MARCHF6: variants seen among roughly 807,000 people sequenced by gnomAD.
MARCHF6 encodes the protein E3 ubiquitin-protein ligase MARCHF6.
In MARCHF6, 31 loss-of-function variants were observed where a neutral mutation model predicts 133.7. The observed-to-expected ratio is 0.23, with a 90% CI of 0.17 to 0.31. The LOEUF (loss-of-function observed/expected upper bound fraction) is 0.31. MARCHF6 is among the 10% of genes least tolerant of loss of function. The probability of loss-of-function intolerance (pLI) is 1.00; values close to 1 mark genes in which losing one functional copy is unlikely to be tolerated. For synonymous variants in MARCHF6, 395 were observed against 402.5 expected, an observed-to-expected ratio of 0.98 and a Z score of 0.22; for missense variants, 723 against 1,121.6, an observed-to-expected ratio of 0.64 and a Z score of 5.08.
chr5:10,368,436 C>G (rs899665735), intron 1 of MARCHF6, among the ~76,000 whole-genome samples: 3 of 152,058 alleles, frequency 2.0e-5, no homozygotes, highest in African/African-American at 7.2e-5. Context: ...AGTTTGAGAC[C>G]AGACTGGGCA....
chr5:10,397,204 T>G, intron 9 of MARCHF6, 89 bp from the exon 10 acceptor site: 1 of 888,224 alleles, frequency 1.1e-6, no homozygotes, highest in Non-Finnish European at 1.7e-6. Context: ...GTTTTTACTA[T>G]TTGGCTCTAG....
intron 3 of MARCHF6, among the ~76,000 whole-genome samples, chr5:10,380,211 T>G (rs1214345068): frequency 6.6e-6 from 1 of 151,896 alleles, no homozygotes; most frequent in Admixed American, 6.6e-5. Flanking sequence ...CTTGAGCTTC[T>G]CGATATAAAT....
chr5:10,425,650 G>A (rs764465226), intron 23 of MARCHF6, among the ~76,000 whole-genome samples: 5 of 152,204 alleles, frequency 3.3e-5, no homozygotes, highest in Non-Finnish European at 7.3e-5. Context: ...GTTGAGTTAT[G>A]CTACATTCAG....
intron 19 of MARCHF6, 140 bp downstream of exon 19, chr5:10,411,677 C>A: frequency 1.7e-6 from 1 of 573,850 alleles, no homozygotes; most frequent in South Asian, 3.9e-5. Context: ...CATTATGTAA[C>A]GTAAATGATT....
At position 10,415,334 on chromosome 5, in the gene MARCHF6, AT is replaced by A. The variant is rs1739447013; in HGVS notation, c.1967-152del. ...TCATCAAATTGTGTACTCTTTAGAC[AT>A]TGTGATTTTTGTCTTTTGTTTTTTT... On this transcript the variant is annotated intron_variant, in intron 20 of 25. Transcript: ENST00000274140. The A allele has an allele frequency of 1.0e-4, 72 of 693,766 alleles. No individual in the cohort carries two copies. In the South Asian group the frequency reaches 1.3e-3, roughly 13 times the overall value. The allele number at this position is 693,766 out of a possible 1,614,324, so 43.0% of individuals were successfully genotyped here.
chr5:10,415,372 T>G, intron 20 of MARCHF6, 116 bp from the exon 21 acceptor site: 1 of 911,210 alleles, frequency 1.1e-6, no homozygotes, highest in South Asian at 1.7e-5. Context: ...ATGAAGACAT[T>G]GATATATCGA....
chr5:10,379,881 C>T (rs922384599), intron 3 of MARCHF6, among the ~76,000 whole-genome samples: 30 of 152,184 alleles, frequency 2.0e-4, no homozygotes, highest in Admixed American at 6.5e-5. Flanking sequence ...GTTGGGATTA[C>T]AGGCTTGAGC....
intron 1 of MARCHF6, among the ~76,000 whole-genome samples, chr5:10,355,560 G>A (rs989061979): frequency 2.0e-5 from 3 of 152,140 alleles, no homozygotes; most frequent in Non-Finnish European, 2.9e-5. Flanking sequence ...TTTTTCTCTT[G>A]TAAAATTATA....
chr5:10,377,451 CTG>C lies in MARCHF6; in HGVS notation c.20-345_20-344del, dbSNP rs1290798671. Among the ~76,000 whole-genome samples the C allele has an allele frequency of 2.0e-5, 3 of 152,306 alleles. No homozygotes were observed. In the East Asian group the frequency reaches 5.8e-4, roughly 29 times the overall value. On this transcript the variant is annotated intron_variant, in intron 1 of 25. Coordinates refer to ENST00000274140, the MANE Select transcript of MARCHF6 (RefSeq NM_005885.4). ...AAATTGTTAAGACTGGAGTTTAAAACTGTTAGGACGCTAATGGTGACCTGATT... is the reference window on the plus strand; with the variant it reads ...AAATTGTTAAGACTGGAGTTTAAAACTTAGGACGCTAATGGTGACCTGATT...
chr5:10,438,073 C>A lies in MARCHF6; in HGVS notation c.*4389C>A, dbSNP rs1706235287. ...CTCCCTAACTTGAACTGTAGACCGT[C>A]CTCACTGGGAAGAGTAAGGCCCCAC... is the stretch of plus-strand genomic sequence containing the variant. On this transcript the variant is annotated 3_prime_UTR_variant, in exon 26 of 26. Coordinates refer to ENST00000274140, the MANE Select transcript of MARCHF6 (RefSeq NM_005885.4). The A allele has an allele frequency of 6.6e-6, 1 of 152,392 alleles. No individual in the cohort carries two copies. Among genetic ancestry groups the A allele is most frequent in the South Asian group, 2.1e-4 (1 of 4,830 alleles). 9.4% of individuals were successfully genotyped at this position (152,392 alleles called of 1,614,324 possible).
intron 15 of MARCHF6, among the ~76,000 whole-genome samples, chr5:10,405,055 T>C (rs1053087239): frequency 2.6e-5 from 4 of 152,272 alleles, no homozygotes; most frequent in African/African-American, 7.2e-5. Flanking sequence ...AGATGGAGAA[T>C]AGAAGTTTGG....
At chr5:10,359,664 G>A (rs1008290624) in intron 1 of MARCHF6, among the ~76,000 whole-genome samples, 1 of 152,136 alleles carries the variant, frequency 6.6e-6, no homozygotes, top group Non-Finnish European at 1.5e-5. Context: ...GATGTTCACA[G>A]ATCTGTACTT....
chr5:10,436,585 T>G lies in MARCHF6; in HGVS notation c.*2901T>G, dbSNP rs1034120197. On this transcript the variant is annotated 3_prime_UTR_variant, in exon 26 of 26. Transcript: ENST00000274140. ...GACCTTTTTGTTTTATTTTTACTAT[T>G]TATATATAGAAGACAAATCAGCATT... 9.9e-5 allele frequency: 15 copies of G among 152,172 alleles called. No individual in the cohort carries two copies. The highest frequency in any genetic ancestry group is 2.1e-4 in the Non-Finnish European group (14 of 68,016). The allele number at this position is 152,172 out of a possible 1,614,324, so 9.4% of individuals were successfully genotyped here. A position where few individuals can be genotyped will look rare whatever the true frequency, so the allele number is the denominator to read the frequency against.
At chr5:10,431,648 TGTGA>T (rs1017356000) in intron 25 of MARCHF6, among the ~76,000 whole-genome samples, 10 of 151,394 alleles carry the variant, frequency 6.6e-5, no homozygotes, top group East Asian at 1.9e-4. Flanking sequence ...TGTGTGTGTG[TGTGA>T]GAGTGTATGT....
chr5:10,374,423 T>A (rs1433485993), intron 1 of MARCHF6, among the ~76,000 whole-genome samples: 5 of 152,116 alleles, frequency 3.3e-5, no homozygotes, highest in African/African-American at 9.7e-5. Context: ...CTTCCCTGAG[T>A]TTCCCTGGAG....
intron 7 of MARCHF6, among the ~76,000 whole-genome samples, chr5:10,391,940 A>T (rs1737875296): frequency 6.6e-6 from 1 of 151,070 alleles, no homozygotes; most frequent in Non-Finnish European, 1.5e-5. Flanking sequence ...TTTGTGTTTT[A>T]AAATCCTTTT....
Position 10,382,055 on chromosome 5 carries a change from C to T in MARCHF6, c.334+112C>T, listed in dbSNP as rs564414301. On this transcript the variant is annotated intron_variant, in intron 4 of 25. Transcript: ENST00000274140. ...TGACTGATGTTTAGTTATTTGATGT[C>T]AGAGTGTCATGTATTAGGAAAGCCT... is the stretch of plus-strand genomic sequence containing the variant. 28 of 1,116,902 alleles carry T rather than the reference C, an allele frequency of 2.5e-5. No individual in the cohort carries two copies. In the African/African-American group the frequency reaches 3.5e-4, roughly 14 times the overall value. The allele number at this position is 1,116,902 out of a possible 1,614,324, so 69.2% of individuals were successfully genotyped here. A position where few individuals can be genotyped will look rare whatever the true frequency, so the allele number is the denominator to read the frequency against.
chr5:10,412,353 T>C (rs1388345337), intron 19 of MARCHF6, among the ~76,000 whole-genome samples: 1 of 152,208 alleles, frequency 6.6e-6, no homozygotes, highest in Non-Finnish European at 1.5e-5. Context: ...TGAGCTCTCA[T>C]GCTGGTGTTT....
chr5:10,376,281 A>T (rs1008108359), intron 1 of MARCHF6, among the ~76,000 whole-genome samples: 2 of 152,150 alleles, frequency 1.3e-5, no homozygotes, highest in African/African-American at 4.8e-5. Flanking sequence ...GCCCACCAGA[A>T]GGAACGAACA....
Sources: gnomAD v4.1 joint callset for allele counts (sites outside exome capture counted in the v4.1 genomes callset) on GRCh38, gnomAD v4.1.1 for gene constraint, MANE v1.5 for transcripts, NCBI Gene and HGNC (gene_info 2026-07-23, HGNC 2026-07-21) for gene names.